DCN: variants seen among roughly 807,000 people sequenced by gnomAD.
DCN encodes the protein bone proteoglycan II.
In DCN, 17 loss-of-function variants were observed where a neutral mutation model predicts 36.5. The ratio of observed to expected loss-of-function variants is 0.47; its 90% CI spans 0.32 to 0.70. The LOEUF (loss-of-function observed/expected upper bound fraction) is 0.70. Ranked by LOEUF, DCN falls within the 30% of genes least tolerant of loss-of-function variation. The pLI is 0.04. For missense variants in DCN, 389 were observed against 430.1 expected (o/e 0.90, Z 0.84); for synonymous variants, 163 against 161.4 (o/e 1.01, Z -0.07).
chr12:91,146,726 C>T (rs753826851), intron 7 of DCN, among the ~76,000 whole-genome samples: 20 of 152,118 alleles, frequency 1.3e-4, no homozygotes, highest in Non-Finnish European at 2.2e-4. Context: ...TTTGCTTTTC[C>T]CTTCTTTAGT....
rs890979411 is a variant in DCN at position 91,140,496 on chromosome 12, C to T, written c.*5562G>A. On this transcript the variant is annotated 3_prime_UTR_variant, in exon 8 of 8. Transcript: ENST00000052754. ...CATAGCAAAGGCATCCAGAGGGAAA[C>T]ATATAATATGTTTATTTATCTTAGA... is the stretch of plus-strand genomic sequence containing the variant. The T allele has an allele frequency of 4.0e-5, 6 of 151,636 alleles. No individual in the cohort carries two copies. The highest frequency in any genetic ancestry group is 1.3e-4 in the Admixed American group (2 of 15,200). The allele number at this position is 151,636 out of a possible 1,614,324, so 9.4% of individuals were successfully genotyped here.
chr12:91,167,472 G>GACAC (rs34663648), intron 2 of DCN, among the ~76,000 whole-genome samples: 6,291 of 145,174 alleles, frequency 0.043, 173 homozygotes, highest in African/African-American at 0.073. Context: ...CAGACAGACA[G>GACAC]ACACACACAC....
chr12:91,164,400 C>CAAAAAAAAAAAA (rs5799980), intron 3 of DCN, among the ~76,000 whole-genome samples: 1 of 78,916 alleles, frequency 1.3e-5, no homozygotes, highest in Non-Finnish European at 2.2e-5. Context: ...AAGCATAATT[C>CAAAAAAAAAAAA]AAAAAAAAAA....
intron 5 of DCN, among the ~76,000 whole-genome samples, chr12:91,156,317 C>T (rs186841453): frequency 1.9e-4 from 29 of 152,270 alleles, no homozygotes; most frequent in African/African-American, 7.0e-4. Context: ...ACATCGCCTA[C>T]ACATACTGAT....
intron 2 of DCN, among the ~76,000 whole-genome samples, chr12:91,173,100 T>C (rs958083210): frequency 1.3e-5 from 2 of 152,120 alleles, no homozygotes; most frequent in African/African-American, 2.4e-5. Flanking sequence ...TTATTAAGAC[T>C]GAATTGCAGA....
intron 4 of DCN, 61 bp from the exon 5 acceptor site, chr12:91,157,249 A>G: frequency 8.5e-7 from 1 of 1,172,506 alleles, no homozygotes; most frequent in Non-Finnish European, 1.3e-6. Flanking sequence ...TAGTCACTGT[A>G]GTATCTGTTT....
In DCN at chr12:91,166,573, C is replaced by T. The variant is rs77700321; in HGVS notation, c.212-1856G>A. Reference sequence around the variant, plus strand: ...TCATCACAGTCCTAATTTCCACTTACGCTTGCTTTTATTCATTGGCGAACT... The same window carrying T: ...TCATCACAGTCCTAATTTCCACTTATGCTTGCTTTTATTCATTGGCGAACT... On this transcript the variant is annotated intron_variant, in intron 2 of 7. Coordinates refer to ENST00000052754, the MANE Select transcript of DCN (RefSeq NM_001920.5). 1.6e-3 allele frequency among the ~76,000 whole-genome samples: 244 copies of T among 152,222 alleles called. 2 individuals carry two copies. The highest frequency in any genetic ancestry group is 5.6e-3 in the African/African-American group (231 of 41,538).
At chr12:91,150,623 G>GTGCT (rs1350851826) in intron 7 of DCN, among the ~76,000 whole-genome samples, 1 of 152,112 alleles carries the variant, frequency 6.6e-6, no homozygotes, top group Non-Finnish European at 1.5e-5. Context: ...AGAAATAGGA[G>GTGCT]TGCTTTTACA....
intron 3 of DCN, among the ~76,000 whole-genome samples, chr12:91,164,400 C>CAAAAAAAAAAAAAA (rs5799980): frequency 1.3e-4 from 10 of 78,892 alleles, no homozygotes; most frequent in Non-Finnish European, 2.0e-4. Context: ...AAGCATAATT[C>CAAAAAAAAAAAAAA]AAAAAAAAAA....
chr12:91,158,417 A>T lies in DCN; in HGVS notation c.417T>A (p.Asn139Lys). 6.2e-7 allele frequency: 1 copy of T among 1,610,326 alleles called. No homozygotes were observed. Among genetic ancestry groups the T allele is most frequent in the Non-Finnish European group, 8.5e-7 (1 of 1,176,530 alleles). Residue 139 changes from asparagine (N) to lysine (K), a missense_variant, in exon 4 of 8, where the codon AAT becomes AAA. By Grantham distance (94) the Asn-to-Lys change is moderately conservative. Coordinates refer to ENST00000052754, the MANE Select transcript of DCN (RefSeq NM_001920.5). ...VKLERLYLSKNQLKELPEKMP... is the reference protein window; with the variant it reads ...VKLERLYLSKKQLKELPEKMP... ...TTTTTTCTGGCAATTCCTTCAGCTG[A>T]TTCTTGGACAGATAAAGTCGTTCCA...
At chr12:91,148,443 C>G (rs868510371) in intron 7 of DCN, among the ~76,000 whole-genome samples, 1 of 151,504 alleles carries the variant, frequency 6.6e-6, no homozygotes, top group Non-Finnish European at 1.5e-5. Context: ...AAAGCCTGGG[C>G]GTGGTGGCTT....
chr12:91,146,656 A>G (rs1178613965), intron 7 of DCN, among the ~76,000 whole-genome samples: 1 of 151,890 alleles, frequency 6.6e-6, no homozygotes, highest in Non-Finnish European at 1.5e-5. Flanking sequence ...GACAGGCCCC[A>G]CTTTGAATAA....
chr12:91,158,655 T>G lies in DCN; in HGVS notation c.325-146A>C, dbSNP rs1214093650. ...AATCAGAAAAAAATTAAGTAAGTAT[T>G]ATTTCTTTACTTAAGAAGTGTATAG... is the stretch of plus-strand genomic sequence containing the variant. On this transcript the variant is annotated intron_variant, in intron 3 of 7. Coordinates refer to ENST00000052754, the MANE Select transcript of DCN (RefSeq NM_001920.5). 4 of 656,226 alleles carry G rather than the reference T, an allele frequency of 6.1e-6. No individual in the cohort carries two copies. The Admixed American group carries it at 9.6e-5, about 16-fold the overall frequency. The allele number at this position is 656,226 out of a possible 1,614,324, so 40.7% of individuals were successfully genotyped here.
intron 2 of DCN, chr12:91,175,990 CTG>C (rs979887561): frequency 1.4e-4 from 21 of 152,056 alleles, no homozygotes; most frequent in Non-Finnish European, 7.4e-5. Flanking sequence ...ATTTCTAAGA[CTG>C]TGATTTTTCT....
intron 7 of DCN, chr12:91,151,428 A>G (rs749246691): frequency 2.8e-5 from 15 of 527,232 alleles, no homozygotes; most frequent in African/African-American, 7.7e-5. Context: ...GAAGACTTTA[A>G]GTTTCATCTC....
At chr12:91,170,709 G>A (rs1314325882) in intron 2 of DCN, among the ~76,000 whole-genome samples, 1 of 152,164 alleles carries the variant, frequency 6.6e-6, no homozygotes, top group African/African-American at 2.4e-5. Flanking sequence ...TGGCTGTTAA[G>A]GAGAGATGAC....
intron 2 of DCN, chr12:91,172,504 T>G (rs1023794271): frequency 1.6e-5 from 4 of 242,984 alleles, no homozygotes; most frequent in Admixed American, 5.1e-5. Context: ...GCAATCTGAC[T>G]GCGTTATCAG....
chr12:91,158,384 T>G lies in DCN; in HGVS notation c.450A>C (p.Lys150Asn). The G allele has an allele frequency of 6.2e-7, 1 of 1,613,660 alleles. No individual in the cohort carries two copies. The highest frequency in any genetic ancestry group is 1.1e-5 in the South Asian group (1 of 91,070). ...CATGGGCACGCAGCTCCTGAAGAGT[T>G]TTGGGCATTTTTTCTGGCAATTCCT... is the stretch of plus-strand genomic sequence containing the variant. ...QLKELPEKMPKTLQELRAHEN... is the reference protein window; with the variant it reads ...QLKELPEKMPNTLQELRAHEN... The change falls in exon 4 of 8, where the codon AAA becomes AAC. Residue 150 changes from lysine to asparagine, a missense_variant. Transcript: ENST00000052754.
chr12:91,146,350 A>ATT, intron 7 of DCN, 98 bp from the exon 8 acceptor site: 71 of 507,932 alleles, frequency 1.4e-4, no homozygotes, highest in South Asian at 5.3e-4. Flanking sequence ...TTAATCCTTC[A>ATT]CTTTTTTTTT....
Sources: gnomAD v4.1 joint callset for allele counts (sites outside exome capture counted in the v4.1 genomes callset) on GRCh38, gnomAD v4.1.1 for gene constraint, MANE v1.5 for transcripts, NCBI Gene and HGNC (gene_info 2026-07-23, HGNC 2026-07-21) for gene names.